CASTOR2: variants seen among roughly 807,000 people sequenced by gnomAD.
CASTOR2 encodes cytosolic arginine sensor for mTORC1 subunit 2.
In CASTOR2, 8 loss-of-function variants were observed where a neutral mutation model predicts 31.2. The ratio of observed to expected loss-of-function variants is 0.26; its 90% CI spans 0.15 to 0.46. The LOEUF (loss-of-function observed/expected upper bound fraction) is 0.46. Ranked by LOEUF, CASTOR2 falls within the 20% of genes least tolerant of loss-of-function variation. The pLI is 0.99. For missense variants in CASTOR2, 216 were observed against 382.1 expected (o/e 0.57, Z 3.62); for synonymous variants, 162 against 158.7 (o/e 1.02, Z -0.16).
rs1314662089 is a variant in CASTOR2, at chr7:75,029,486, G to A, written c.*4787G>A. Among the ~76,000 whole-genome samples, 1 of 151,628 alleles carries A rather than the reference G, an allele frequency of 6.6e-6. No individual in the cohort carries two copies. Among genetic ancestry groups the A allele is most frequent in the African/African-American group, 2.4e-5 (1 of 41,234 alleles). On this transcript the variant is annotated 3_prime_UTR_variant, in exon 9 of 9. Transcript: ENST00000616305. ...AGCCTCCCAAGTAGCTGGGATTACA[G>A]GCACCCACCACCACGCTCGGCTAAT...
rs993481621 is a variant in CASTOR2, at chr7:75,025,645, G to A, written c.*946G>A. Among the ~76,000 whole-genome samples the A allele has an allele frequency of 5.3e-5, 8 of 152,250 alleles. No individual in the cohort carries two copies. Among genetic ancestry groups the A allele is most frequent in the South Asian group, 2.1e-4 (1 of 4,838 alleles). ...CCCCAAGTCACCTGCCTGCCCACCC[G>A]CCCCTTGGCTGGGGGCTGTGGCATT... On this transcript the variant is annotated 3_prime_UTR_variant, in exon 9 of 9. Coordinates refer to ENST00000616305, the MANE Select transcript of CASTOR2 (RefSeq NM_001145064.3).
chr7:75,018,695 G>A (rs1326032338), intron 4 of CASTOR2, among the ~76,000 whole-genome samples: 3 of 152,286 alleles, frequency 2.0e-5, no homozygotes, highest in African/African-American at 7.2e-5. Context: ...CTGTGGTGCT[G>A]AAGCCTGGAA....
intron 1 of CASTOR2, among the ~76,000 whole-genome samples, chr7:74,992,967 G>A (rs1435328978): frequency 1.3e-5 from 2 of 152,178 alleles, no homozygotes; most frequent in East Asian, 3.9e-4. Flanking sequence ...TTGGGAGGCC[G>A]AGGCAGGTGG....
At chr7:74,991,207 G>A (rs1554437302) in intron 1 of CASTOR2, among the ~76,000 whole-genome samples, 1 of 152,184 alleles carries the variant, frequency 6.6e-6, no homozygotes, top group East Asian at 1.9e-4. Flanking sequence ...CTGCCTGGTA[G>A]TGGGAGACGC....
chr7:74,977,057 G>A lies in CASTOR2; in HGVS notation c.113+11959G>A, dbSNP rs1474556458. Reference sequence around the variant, plus strand: ...AAAATTAGCTGATGTGGTGGTGGGCGCCTGTAATCCCAGCTACTGGGGAGG... The same window carrying A: ...AAAATTAGCTGATGTGGTGGTGGGCACCTGTAATCCCAGCTACTGGGGAGG... On this transcript the variant is annotated intron_variant, in intron 1 of 8. Transcript: ENST00000616305. Among the ~76,000 whole-genome samples, 80 of 151,084 alleles carry A rather than the reference G, an allele frequency of 5.3e-4. 1 individual carries two copies. The highest frequency in any genetic ancestry group is 1.9e-3 in the African/African-American group (77 of 40,870).
intron 1 of CASTOR2, among the ~76,000 whole-genome samples, chr7:74,990,133 C>T (rs1362227661): frequency 3.0e-4 from 45 of 151,846 alleles, no homozygotes; most frequent in African/African-American, 1.1e-3. Context: ...TCACTCCTGT[C>T]ATCCCAGCAC....
At chr7:74,993,997 C>G (rs1450763764) in intron 1 of CASTOR2, among the ~76,000 whole-genome samples, 2 of 152,202 alleles carry the variant, frequency 1.3e-5, no homozygotes, top group African/African-American at 2.4e-5. Context: ...CAGGGCTCCT[C>G]GCCCAGGATG....
chr7:75,019,639 C>T (rs1804947141), intron 5 of CASTOR2, among the ~76,000 whole-genome samples: 1 of 152,224 alleles, frequency 6.6e-6, no homozygotes, highest in African/African-American at 2.4e-5. Context: ...CAGGCCCAGT[C>T]TGTTGAGGAG....
chr7:74,982,520 A>T (rs1803970044), intron 1 of CASTOR2, among the ~76,000 whole-genome samples: 1 of 143,806 alleles, frequency 7.0e-6, no homozygotes, highest in Non-Finnish European at 1.5e-5. Context: ...TGTTTCGTCC[A>T]CTAGAGCAGC....
chr7:75,010,508 C>G (rs1804714548), intron 2 of CASTOR2, among the ~76,000 whole-genome samples: 1 of 152,092 alleles, frequency 6.6e-6, no homozygotes, highest in South Asian at 2.1e-4. Flanking sequence ...AAATAGAGGT[C>G]CTTGGGCCCA....
chr7:75,029,589 C>T lies in CASTOR2; in HGVS notation c.*4890C>T, dbSNP rs1229647738. On this transcript the variant is annotated 3_prime_UTR_variant, in exon 9 of 9. Transcript: ENST00000616305. Reference sequence around the variant, plus strand: ...GAACTCCTGACCTCAGGTGATCCGCCCACCTTGGCCTCCCAAAGTGCTGGG... The same window carrying T: ...GAACTCCTGACCTCAGGTGATCCGCTCACCTTGGCCTCCCAAAGTGCTGGG... Among the ~76,000 whole-genome samples the T allele has an allele frequency of 6.6e-6, 1 of 152,042 alleles. No homozygotes were observed. The highest frequency in any genetic ancestry group is 6.5e-5 in the Admixed American group (1 of 15,276).
In CASTOR2 at chr7:75,026,189, G is replaced by GTTTT. The variant is rs879121750; in HGVS notation, c.*1504_*1507dup. On this transcript the variant is annotated 3_prime_UTR_variant, in exon 9 of 9. Coordinates refer to ENST00000616305, the MANE Select transcript of CASTOR2 (RefSeq NM_001145064.3). ...CCCTGTGGTTTTGGCTCTGGCGGGGGTTTTTTTTTTTTTTTTTGAGATGGG... is the reference window on the plus strand; with the variant it reads ...CCCTGTGGTTTTGGCTCTGGCGGGGGTTTTTTTTTTTTTTTTTTTTTGAGATGGG... 0.037 allele frequency among the ~76,000 whole-genome samples: 4,345 copies of GTTTT among 117,604 alleles called. 213 individuals are homozygous for GTTTT. The highest frequency in any genetic ancestry group is 0.11 in the Middle Eastern group (17 of 152). 77.2% of individuals were successfully genotyped at this position (117,604 alleles called of 152,430 possible).
At chr7:74,983,599 G>C (rs186524293) in intron 1 of CASTOR2, among the ~76,000 whole-genome samples, 5 of 151,658 alleles carry the variant, frequency 3.3e-5, no homozygotes, top group Admixed American at 3.3e-4. Context: ...GCTGTGAGTC[G>C]TGTGCATCTC....
chr7:75,002,006 C>T (rs1804507940), intron 1 of CASTOR2, among the ~76,000 whole-genome samples: 1 of 152,088 alleles, frequency 6.6e-6, no homozygotes, highest in Admixed American at 6.6e-5. Flanking sequence ...TGTAGGCTGT[C>T]AAAGGAGGAC....
chr7:74,993,240 A>C (rs1554437558), intron 1 of CASTOR2, among the ~76,000 whole-genome samples: 1 of 152,028 alleles, frequency 6.6e-6, no homozygotes, highest in Non-Finnish European at 1.5e-5. Context: ...AGCTTCTAGA[A>C]GTCATCTACC....
chr7:74,972,380 C>T (rs1803695687), intron 1 of CASTOR2, among the ~76,000 whole-genome samples: 1 of 150,490 alleles, frequency 6.6e-6, no homozygotes, highest in Non-Finnish European at 1.5e-5. Flanking sequence ...TTGGCCTCCC[C>T]AAAGTGCTGA....
chr7:75,009,584 G>GA (rs1244150369), intron 2 of CASTOR2, among the ~76,000 whole-genome samples: 8 of 151,496 alleles, frequency 5.3e-5, no homozygotes, highest in East Asian at 1.9e-4. Context: ...ACCTATTTCT[G>GA]AAAAAAAATT....
chr7:74,980,575 G>C, intron 1 of CASTOR2, among the ~76,000 whole-genome samples: 1 of 130,098 alleles, frequency 7.7e-6, no homozygotes, highest in Non-Finnish European at 1.5e-5. Context: ...AAATTCAATG[G>C]ATGTTTTGAG....
intron 1 of CASTOR2, among the ~76,000 whole-genome samples, chr7:75,000,522 T>C (rs1379842014): frequency 1.2e-4 from 19 of 152,248 alleles, no homozygotes; most frequent in African/African-American, 4.6e-4. Flanking sequence ...GAATGTTTTG[T>C]AAACAGGCGC....
Sources: gnomAD v4.1 joint callset for allele counts (sites outside exome capture counted in the v4.1 genomes callset) on GRCh38, gnomAD v4.1.1 for gene constraint, MANE v1.5 for transcripts, NCBI Gene and HGNC (gene_info 2026-07-23, HGNC 2026-07-21) for gene names.